The following CASZ1 variants were observed in gnomAD, a reference collection of about 807,000 sequenced individuals.
CASZ1 encodes the protein castor zinc finger 1, also known as zinc finger protein castor homolog 1.
Under a neutral mutation model 135.2 loss-of-function variants are expected in CASZ1, and 28 were observed. The ratio of observed to expected loss-of-function variants is 0.21; its 90% CI spans 0.15 to 0.28. CASZ1 has a LOEUF of 0.28. CASZ1 is among the 10% of genes least tolerant of loss of function. CASZ1 has a pLI of 1.00. For synonymous variants in CASZ1, 1,068 were observed against 1,073.4 expected (o/e 0.99, Z 0.10); for missense variants, 2,161 against 2,453.3 (o/e 0.88, Z 2.52).
intron 2 of CASZ1, among the ~76,000 whole-genome samples, chr1:10,754,621 C>T (rs765877197): frequency 2.0e-5 from 3 of 152,192 alleles, no homozygotes; most frequent in Non-Finnish European, 4.4e-5. Context: ...GATGCATTTC[C>T]AGGGTCTTTG....
chr1:10,756,732 T>G lies in CASZ1; in HGVS notation c.-77+3969A>C, dbSNP rs1640266246. Among the ~76,000 whole-genome samples the G allele has an allele frequency of 6.6e-6, 1 of 152,136 alleles. No homozygotes were observed. The highest frequency in any genetic ancestry group is 2.4e-5 in the African/African-American group (1 of 41,412). Reference sequence around the variant, plus strand: ...CACACCTTTGTGTGTGGCGACACTATTAGGATCCCTGCCGATGAGCAGATG... The same window carrying G: ...CACACCTTTGTGTGTGGCGACACTAGTAGGATCCCTGCCGATGAGCAGATG... On this transcript the variant is annotated intron_variant, in intron 2 of 20. Coordinates refer to ENST00000377022, the MANE Select transcript of CASZ1 (RefSeq NM_001079843.3). This position sits in a 1 kb window ranked among gnomAD's most constrained non-coding sequence, Gnocchi z 5.9.
chr1:10,767,191 G>A lies in CASZ1; in HGVS notation c.-233-6334C>T, dbSNP rs1448836599. 6.6e-6 allele frequency among the ~76,000 whole-genome samples: 1 copy of A among 152,166 alleles called. No individual in the cohort carries two copies. The highest frequency in any genetic ancestry group is 1.5e-5 in the Non-Finnish European group (1 of 68,026). ...GGAACGAGGAGTGGGGAAAAGATGGGGCCCGGTCGTCCACATTCCTCATGA... is the reference window on the plus strand; with the variant it reads ...GGAACGAGGAGTGGGGAAAAGATGGAGCCCGGTCGTCCACATTCCTCATGA... On this transcript the variant is annotated intron_variant, in intron 1 of 20. Coordinates refer to ENST00000377022, the MANE Select transcript of CASZ1 (RefSeq NM_001079843.3). This position sits in a 1 kb window ranked among gnomAD's most constrained non-coding sequence, Gnocchi z 4.2.
In CASZ1 at chr1:10,646,226, C is replaced by T. The variant is rs764846470; in HGVS notation, c.3598G>A (p.Glu1200Lys). Residue 1200 changes from glutamate (E) to lysine (K), a missense_variant, in exon 17 of 21, where the codon GAA becomes AAA. Physicochemically the swap from Glu to Lys is moderately conservative, Grantham distance 56. Coordinates refer to ENST00000377022, the MANE Select transcript of CASZ1 (RefSeq NM_001079843.3). This position sits in a 1 kb window ranked among gnomAD's most constrained non-coding sequence, Gnocchi z 6.4. ...TTGATGTGGTCCAGGCAGTGGGATT[C>T]GGCCTTGCCAGACGTTTTGCAGACG... ...KYVCKTSGKA[E>K]SHCLDHINPN... 32 of 1,614,080 alleles carry T rather than the reference C, an allele frequency of 2.0e-5. No individual in the cohort carries two copies. Among genetic ancestry groups the T allele is most frequent in the Admixed American group, 6.7e-5 (4 of 60,002 alleles).
intron 5 of CASZ1, among the ~76,000 whole-genome samples, chr1:10,663,903 G>T (rs948687964): frequency 6.6e-6 from 1 of 152,342 alleles, no homozygotes; most frequent in East Asian, 1.9e-4. Flanking sequence ...TCCGCTCCCC[G>T]TCAGCTGCGG....
intron 1 of CASZ1, among the ~76,000 whole-genome samples, chr1:10,765,829 C>T (rs1371245167): frequency 6.6e-6 from 1 of 152,214 alleles, no homozygotes; most frequent in Non-Finnish European, 1.5e-5. Flanking sequence ...AGGGGACCCG[C>T]ACCCCAGAGG....
chr1:10,683,034 A>C (rs533392945), intron 4 of CASZ1, among the ~76,000 whole-genome samples: 48 of 152,254 alleles, frequency 3.2e-4, no homozygotes, highest in Non-Finnish European at 5.0e-4. Context: ...TGATCTCTGC[A>C]GTCTGGAAGT....
Position 10,643,220 on chromosome 1 carries a change from G to T in CASZ1, c.3960C>A (p.His1320Gln). 1.2e-6 allele frequency: 2 copies of T among 1,612,862 alleles called. No homozygotes were observed. The highest frequency in any genetic ancestry group is 1.7e-6 in the Non-Finnish European group (2 of 1,180,004). The change falls in exon 19 of 21, where the codon CAC becomes CAA. Residue 1320 changes from histidine (H) to glutamine (Q), a missense_variant. His to Gln is a conservative substitution (Grantham distance 24). Around this residue, in one of 7 missense-constraint regions of CASZ1, gnomAD observed 349 missense variants for 460.8 expected, o/e 0.76. Coordinates refer to ENST00000377022, the MANE Select transcript of CASZ1 (RefSeq NM_001079843.3). ...GCATCCTCCGCATGTGCTTCCGCGC[G>T]TGGGAGGTCATCTGGTGCTTGAGGA... ...SFLLKHQMTS[H>Q]ARKHMRRMLG...
chr1:10,637,725 T>C lies in CASZ1; in HGVS notation c.*1217A>G, dbSNP rs1017796996. ...CCTGGCCCGGGCTTCGATGGCATCA[T>C]CATCTCCAGGAAGGGGGATGTTTTG... On this transcript the variant is annotated 3_prime_UTR_variant, in exon 21 of 21. Coordinates refer to ENST00000377022, the MANE Select transcript of CASZ1 (RefSeq NM_001079843.3). 3 of 151,910 alleles carry C rather than the reference T, an allele frequency of 2.0e-5. No individual in the cohort carries two copies. The highest frequency in any genetic ancestry group is 7.3e-5 in the African/African-American group (3 of 41,254). 9.4% of individuals were successfully genotyped at this position (151,910 alleles called of 1,614,324 possible). A position where few individuals can be genotyped will look rare whatever the true frequency, so the allele number is the denominator to read the frequency against.
At position 10,719,017 on chromosome 1, in the gene CASZ1, A is replaced by T. The variant is rs1240157233; in HGVS notation, c.-76-13473T>A. Among the ~76,000 whole-genome samples, 1 of 152,044 alleles carries T rather than the reference A, an allele frequency of 6.6e-6. No homozygotes were observed. Among genetic ancestry groups the T allele is most frequent in the African/African-American group, 2.4e-5 (1 of 41,376 alleles). On this transcript the variant is annotated intron_variant, in intron 2 of 20. Transcript: ENST00000377022. This position sits in a 1 kb window ranked among gnomAD's most constrained non-coding sequence, Gnocchi z 4.0. ...AACCTCTGCTTTCCGGGTTCAAGCA[A>T]TTGTTGTGCCTCAGCCTCCCGAGTA...
rs947198931 is a variant in CASZ1, at chr1:10,649,633, C to A, written c.2881-196G>T. ...CAGAGAGCCTGCTGTGCTGCCCCGA[C>A]CCCAGGAGCTGCGAGGCCTCCTCAG... On this transcript the variant is annotated intron_variant, in intron 13 of 20. Coordinates refer to ENST00000377022, the MANE Select transcript of CASZ1 (RefSeq NM_001079843.3). 4 of 615,920 alleles carry A rather than the reference C, an allele frequency of 6.5e-6. No homozygotes were observed. The South Asian group carries it at 9.4e-5, about 14-fold the overall frequency. 38.2% of individuals were successfully genotyped at this position (615,920 alleles called of 1,614,324 possible).
chr1:10,666,569 G>A lies in CASZ1; in HGVS notation c.17-998C>T, dbSNP rs1027389092. On this transcript the variant is annotated intron_variant, in intron 4 of 20. Transcript: ENST00000377022. The surrounding 1 kb of genome is among the most constrained non-coding windows in gnomAD (Gnocchi z 5.2). ...GCTTAGGTCCCTCACGGAACGCCCCGAAGCGCCGGTCACAGCACCTAATCC... is the reference window on the plus strand; with the variant it reads ...GCTTAGGTCCCTCACGGAACGCCCCAAAGCGCCGGTCACAGCACCTAATCC... 6.6e-5 allele frequency among the ~76,000 whole-genome samples: 10 copies of A among 152,178 alleles called. No individual in the cohort carries two copies. Among genetic ancestry groups the A allele is most frequent in the South Asian group, 2.1e-4 (1 of 4,826 alleles).
At chr1:10,683,779 G>A (rs1638500947) in intron 4 of CASZ1, among the ~76,000 whole-genome samples, 1 of 152,210 alleles carries the variant, frequency 6.6e-6, no homozygotes, top group Non-Finnish European at 1.5e-5. Flanking sequence ...TCTAGAAAAG[G>A]AGGCTTTCCC....
rs1172522507 is a variant in CASZ1, at chr1:10,739,555, C to T, written c.-77+21146G>A. ...CCCTCCGCCCCCCGGGCCCACTCCC[C>T]GTTCTCCCAGCCTTGCTGGCTACTT... On this transcript the variant is annotated intron_variant, in intron 2 of 20. Transcript: ENST00000377022. The surrounding 1 kb of genome is among the most constrained non-coding windows in gnomAD (Gnocchi z 4.8). Among the ~76,000 whole-genome samples, 8 of 152,212 alleles carry T rather than the reference C, an allele frequency of 5.3e-5. No individual in the cohort carries two copies. Among genetic ancestry groups the T allele is most frequent in the Non-Finnish European group, 5.9e-5 (4 of 68,022 alleles).
chr1:10,795,217 C>G (rs1018501337), intron 1 of CASZ1, among the ~76,000 whole-genome samples: 2 of 151,718 alleles, frequency 1.3e-5, no homozygotes, highest in African/African-American at 2.4e-5. Context: ...CCCGCGCGCC[C>G]CCTGGATCCC....
chr1:10,668,556 T>TG (rs1643308331), intron 4 of CASZ1, among the ~76,000 whole-genome samples: 2 of 152,218 alleles, frequency 1.3e-5, no homozygotes. Context: ...CGAGGTGGGC[T>TG]GGGCCGGGGC....
chr1:10,660,409 C>T lies in CASZ1; in HGVS notation c.633G>A (p.Ala211=), dbSNP rs374277022. The T allele has an allele frequency of 3.0e-5, 48 of 1,614,010 alleles. 1 individual carries two copies. Among genetic ancestry groups the T allele is most frequent in the African/African-American group, 1.1e-4 (8 of 74,938 alleles). The change falls in exon 6 of 21, where the codon GCG becomes GCA. Residue 211 remains alanine, a synonymous_variant. Transcript: ENST00000377022. The part of the protein sequence containing the change: ...ARKISFEKLH[A]GSTPEAATSS... ...AGGTGGCTGCCTCCGGGGTGGAGCC[C>T]GCGTGCAGCTTCTCAAAGCTGATCT...
chr1:10,781,903 G>C (rs1304538725), intron 1 of CASZ1, among the ~76,000 whole-genome samples: 1 of 152,192 alleles, frequency 6.6e-6, no homozygotes, highest in Non-Finnish European at 1.5e-5. Flanking sequence ...AATAAGGAGA[G>C]ACTAGGGATT....
Position 10,646,198 on chromosome 1 carries a change from G to A in CASZ1, c.3626C>T (p.Pro1209Leu), listed in dbSNP as rs371495766. 2.5e-5 allele frequency: 41 copies of A among 1,614,190 alleles called. No individual in the cohort carries two copies. The highest frequency in any genetic ancestry group is 3.5e-5 in the Non-Finnish European group (41 of 1,180,034). The change falls in exon 17 of 21, where the codon CCC becomes CTC. Residue 1209 changes from proline (P) to leucine (L), a missense_variant. Transcript: ENST00000377022. The surrounding 1 kb of genome is among the most constrained non-coding windows in gnomAD (Gnocchi z 6.4). Reference protein sequence around the residue: ...AESHCLDHINPNNNLVNVRDQ... With the variant: ...AESHCLDHINLNNNLVNVRDQ... The stretch of plus-strand genomic sequence containing the variant: ...TCGCACGTTCACCAGGTTGTTGTTG[G>A]GGTTGATGTGGTCCAGGCAGTGGGA...
rs1309417738 is a variant in CASZ1, at chr1:10,762,671, G to C, written c.-233-1814C>G. ...CCCATCAGAACGAACCCACCTAAAA[G>C]CCAGCATCTTACACAGGAGGCTGAC... is the stretch of plus-strand genomic sequence containing the variant. On this transcript the variant is annotated intron_variant, in intron 1 of 20. Coordinates refer to ENST00000377022, the MANE Select transcript of CASZ1 (RefSeq NM_001079843.3). The surrounding 1 kb of genome is among the most constrained non-coding windows in gnomAD (Gnocchi z 4.1). 6.6e-6 allele frequency among the ~76,000 whole-genome samples: 1 copy of C among 152,142 alleles called. No individual in the cohort carries two copies. Among genetic ancestry groups the C allele is most frequent in the East Asian group, 1.9e-4 (1 of 5,176 alleles).
Sources: gnomAD v4.1 joint callset for allele counts (sites outside exome capture counted in the v4.1 genomes callset) on GRCh38, gnomAD v4.1.1 for gene constraint, gnomAD v4.1.1 regional missense constraint, Gnocchi (gnomAD v3.1) non-coding constraint, MANE v1.5 for transcripts, NCBI Gene and HGNC (gene_info 2026-07-23, HGNC 2026-07-21) for gene names.